TAB2: variants seen among roughly 807,000 people sequenced by gnomAD.
The protein encoded by TAB2 is TGF-beta activated kinase 1 (MAP3K7) binding protein 2, also known as TGF-beta-activated kinase 1 and MAP3K7-binding protein 2.
In TAB2, 3 loss-of-function variants were observed where a neutral mutation model predicts 65.0. That is an observed-to-expected ratio of 0.05 (90% confidence interval 0.02 to 0.12). The LOEUF (loss-of-function observed/expected upper bound fraction) is 0.12. Among genes scored for constraint, TAB2 ranks in the 10% least tolerant of loss-of-function variants. TAB2 has a pLI of 1.00. For synonymous variants in TAB2, 298 were observed against 285.1 expected (o/e 1.05, Z -0.46); for missense variants, 623 against 840.3 (o/e 0.74, Z 3.20).
intron 6 of TAB2, among the ~76,000 whole-genome samples, chr6:149,401,512 A>G (rs1488924531): frequency 6.6e-6 from 1 of 152,074 alleles, no homozygotes; most frequent in Non-Finnish European, 1.5e-5. Flanking sequence ...AAATATAAAA[A>G]TTATAAATAT....
chr6:149,336,780 A>G (rs1779946834), intron 1 of TAB2, among the ~76,000 whole-genome samples: 2 of 152,308 alleles, frequency 1.3e-5, no homozygotes, highest in Admixed American at 1.3e-4. Context: ...TGGGTTGAAC[A>G]TGTTCAGACA....
At chr6:149,241,749 C>G (rs1475205259) in intron 1 of TAB2, among the ~76,000 whole-genome samples, 1 of 152,154 alleles carries the variant, frequency 6.6e-6, no homozygotes, top group Non-Finnish European at 1.5e-5. Context: ...TTTATTATAG[C>G]TCAAGCCAAA....
intron 1 of TAB2, among the ~76,000 whole-genome samples, chr6:149,267,200 C>T (rs766830891): frequency 6.6e-6 from 1 of 152,006 alleles, no homozygotes; most frequent in Non-Finnish European, 1.5e-5. Context: ...GAAGGAGGCA[C>T]CTGTAGCTGA....
At position 149,357,355 on chromosome 6, in the gene TAB2, G is replaced by T. The variant is rs558458575; in HGVS notation, c.-89-12554G>T. ...CACTTGAACCCAGGAGGCGGAGGTT[G>T]CAGTGAGCCAAGATTGTGCCACTAC... On this transcript the variant is annotated intron_variant, in intron 1 of 6. Transcript: ENST00000637181. Among the ~76,000 whole-genome samples the T allele has an allele frequency of 2.0e-3, 295 of 149,788 alleles. 1 individual carries two copies. Among genetic ancestry groups the T allele is most frequent in the Non-Finnish European group, 3.5e-3 (237 of 67,698 alleles).
At chr6:149,382,029 A>T (rs531758758) in intron 3 of TAB2, among the ~76,000 whole-genome samples, 1 of 152,222 alleles carries the variant, frequency 6.6e-6, no homozygotes, top group Non-Finnish European at 1.5e-5. Flanking sequence ...TATGCATCAG[A>T]TCATATCACT....
intron 4 of TAB2, 24 bp from the exon 5 acceptor site, chr6:149,397,945 T>C (rs1782231476): frequency 2.5e-6 from 4 of 1,607,430 alleles, no homozygotes; most frequent in Non-Finnish European, 3.4e-6. Context: ...GTGCAAATCT[T>C]ACTTACATAG....
At chr6:149,393,351 A>G (rs2114930859) in intron 3 of TAB2, among the ~76,000 whole-genome samples, 1 of 152,326 alleles carries the variant, frequency 6.6e-6, no homozygotes, top group East Asian at 1.9e-4. Context: ...ATCATAAGAG[A>G]TACTTTGCCT....
In TAB2 at chr6:149,250,930, T is replaced by C. The variant is rs186523862; in HGVS notation, c.-121+32154T>C. On this transcript the variant is annotated intron_variant, in intron 1 of 1. Coordinates refer to the TAB2 transcript ENST00000606202. ...ACACCATTCGTTTTAGTTCTGCCTC[T>C]CTTCATTGTTTTCTCCGAAACCTCG... Among the ~76,000 whole-genome samples, 8 of 152,336 alleles carry C rather than the reference T, an allele frequency of 5.3e-5. No homozygotes were observed. The East Asian group carries it at 1.5e-3, about 29-fold the overall frequency.
chr6:149,395,051 G>A (rs1381451735), intron 3 of TAB2, among the ~76,000 whole-genome samples: 2 of 152,224 alleles, frequency 1.3e-5, no homozygotes, highest in African/African-American at 4.8e-5. Context: ...TTTACCCTTT[G>A]TTTAGAGTCT....
intron 1 of TAB2, among the ~76,000 whole-genome samples, chr6:149,305,126 G>T (rs1285155020): frequency 2.6e-5 from 4 of 152,138 alleles, no homozygotes; most frequent in Admixed American, 2.0e-4. Flanking sequence ...ATCTGTGGAT[G>T]TGGAACCCAC....
At chr6:149,306,858 A>G (rs541890298) in intron 1 of TAB2, among the ~76,000 whole-genome samples, 3 of 152,364 alleles carry the variant, frequency 2.0e-5, no homozygotes, top group African/African-American at 7.2e-5. Flanking sequence ...GTACAGAGAT[A>G]CAAATACAGG....
At chr6:149,307,776 A>G (rs1017048242) in intron 1 of TAB2, among the ~76,000 whole-genome samples, 1 of 152,232 alleles carries the variant, frequency 6.6e-6, no homozygotes, top group African/African-American at 2.4e-5. Context: ...TTTTATTTTG[A>G]CATATTAGTA....
At chr6:149,270,678 A>T (rs1778344591) in intron 1 of TAB2, among the ~76,000 whole-genome samples, 1 of 152,216 alleles carries the variant, frequency 6.6e-6, no homozygotes, top group African/African-American at 2.4e-5. Flanking sequence ...CATTTTTAAA[A>T]CAACATTTAG....
At chr6:149,225,922 A>G (rs2114626649) in intron 1 of TAB2, among the ~76,000 whole-genome samples, 1 of 152,086 alleles carries the variant, frequency 6.6e-6, no homozygotes, top group South Asian at 2.1e-4. Flanking sequence ...CTAAAAGTTC[A>G]AGCAGAATAA....
intron 1 of TAB2, among the ~76,000 whole-genome samples, chr6:149,284,208 G>A (rs752468060): frequency 5.9e-5 from 9 of 152,138 alleles, no homozygotes; most frequent in Non-Finnish European, 5.9e-5. Flanking sequence ...GCTTTGTGCT[G>A]CAGCAACACC....
At chr6:149,223,115 G>C (rs536994751) in intron 1 of TAB2, among the ~76,000 whole-genome samples, 2 of 152,156 alleles carry the variant, frequency 1.3e-5, no homozygotes, top group South Asian at 4.1e-4. Context: ...GAAATATATT[G>C]AGTTTACAAA....
chr6:149,371,543 C>A (rs1194177481), intron 2 of TAB2, among the ~76,000 whole-genome samples: 1 of 152,066 alleles, frequency 6.6e-6, no homozygotes, highest in East Asian at 1.9e-4. Flanking sequence ...GGTGATAAAC[C>A]AAACTGAGTT....
intron 1 of TAB2, among the ~76,000 whole-genome samples, chr6:149,302,549 T>G (rs558404825): frequency 2.6e-5 from 4 of 152,354 alleles, no homozygotes; most frequent in African/African-American, 9.6e-5. Context: ...CCACAGTGAT[T>G]GAACCTGATA....
At chr6:149,301,877 A>G (rs1299996057) in intron 1 of TAB2, among the ~76,000 whole-genome samples, 1 of 152,236 alleles carries the variant, frequency 6.6e-6, no homozygotes, top group African/African-American at 2.4e-5. Context: ...AATAGAAGTA[A>G]ACTTTGAAAG....
Sources: gnomAD v4.1 joint callset for allele counts (sites outside exome capture counted in the v4.1 genomes callset) on GRCh38, gnomAD v4.1.1 for gene constraint, MANE v1.5 for transcripts, NCBI Gene and HGNC (gene_info 2026-07-23, HGNC 2026-07-21) for gene names.